ARMC9: variants seen among roughly 807,000 people sequenced by gnomAD.
ARMC9 encodes lisH domain-containing protein ARMC9.
In ARMC9, 94 loss-of-function variants were observed where a neutral mutation model predicts 107.0. The ratio of observed to expected loss-of-function variants is 0.88; its 90% CI spans 0.74 to 1.04. The LOEUF is 1.04. ARMC9 is among the 50% of genes least tolerant of loss of function. ARMC9 has a pLI of 0.00. For missense variants in ARMC9, 942 were observed against 1,030.1 expected (o/e 0.91, Z 1.17); for synonymous variants, 380 against 396.9 (o/e 0.96, Z 0.51).
intron 19 of ARMC9, among the ~76,000 whole-genome samples, chr2:231,330,471 C>T (rs2043654070): frequency 6.6e-6 from 1 of 152,158 alleles, no homozygotes; most frequent in African/African-American, 2.4e-5. Context: ...TCCAACACCA[C>T]CCCAGGAAGG....
chr2:231,363,768 C>T (rs545732178), intron 23 of ARMC9, among the ~76,000 whole-genome samples: 1 of 151,662 alleles, frequency 6.6e-6, no homozygotes, highest in Non-Finnish European at 1.5e-5. Flanking sequence ...GCTTGTAGTC[C>T]CAGCTACTTG....
chr2:231,345,039 A>G lies in ARMC9; in HGVS notation c.1943A>G (p.Glu648Gly). ...GLANVQWSGD[E>G]PLQRPVTPGG... ...GCTAATGTGCAGTGGAGCGGGGATG[A>G]GCCCCTGCAAAGGCCCGTCACCCCC... The change falls in exon 21 of 25, where the codon GAG becomes GGG. Residue 648 changes from glutamate to glycine, a missense_variant. Transcript: ENST00000611582. 6.2e-7 allele frequency: 1 copy of G among 1,614,032 alleles called. No homozygotes were observed. Among genetic ancestry groups the G allele is most frequent in the Non-Finnish European group, 8.5e-7 (1 of 1,179,996 alleles).
At chr2:231,309,713 T>C (rs2042231492) in intron 19 of ARMC9, among the ~76,000 whole-genome samples, 2 of 151,660 alleles carry the variant, frequency 1.3e-5, no homozygotes, top group African/African-American at 2.4e-5. Flanking sequence ...ATACCACTTT[T>C]TACAATTTTT....
intron 19 of ARMC9, among the ~76,000 whole-genome samples, chr2:231,300,013 A>G (rs17625564): frequency 0.054 from 8,154 of 152,288 alleles, 548 homozygotes; most frequent in South Asian, 0.25. Flanking sequence ...ATGTTACAAA[A>G]GGGCTGTTGG....
chr2:231,283,148 T>C (rs1221157584), intron 17 of ARMC9, among the ~76,000 whole-genome samples: 4 of 151,306 alleles, frequency 2.6e-5, no homozygotes, highest in African/African-American at 2.4e-5. Flanking sequence ...CCCTTAGAGA[T>C]CCCAGAGCAG....
intron 21 of ARMC9, among the ~76,000 whole-genome samples, chr2:231,347,489 G>A (rs2044862199): frequency 7.0e-6 from 1 of 143,038 alleles, no homozygotes; most frequent in East Asian, 1.9e-4. Context: ...CGATGCTGAT[G>A]TGCAAAATTT....
intron 24 of ARMC9, 107 bp from the exon 25 acceptor site, chr2:231,371,406 A>G (rs1046043377): frequency 7.9e-7 from 1 of 1,265,332 alleles, no homozygotes; most frequent in Non-Finnish European, 1.0e-6. Context: ...GGGAGAGGGA[A>G]GGTTCCCTCG....
intron 12 of ARMC9, among the ~76,000 whole-genome samples, chr2:231,270,349 G>A (rs1272440826): frequency 6.6e-6 from 1 of 152,228 alleles, no homozygotes; most frequent in Admixed American, 6.5e-5. Flanking sequence ...GCTGAGAGGT[G>A]TGCAGGAGTC....
At chr2:231,340,090 T>C (rs1432873557) in intron 20 of ARMC9, among the ~76,000 whole-genome samples, 1 of 152,236 alleles carries the variant, frequency 6.6e-6, no homozygotes, top group Non-Finnish European at 1.5e-5. Flanking sequence ...GGAGCTCTCC[T>C]GCAGAAACGA....
At chr2:231,327,306 A>T (rs1008410038) in intron 19 of ARMC9, among the ~76,000 whole-genome samples, 4 of 152,154 alleles carry the variant, frequency 2.6e-5, no homozygotes, top group African/African-American at 9.7e-5. Context: ...TCCATCACTC[A>T]AGGATCCCTC....
At chr2:231,310,027 A>G (rs2042247111) in intron 19 of ARMC9, among the ~76,000 whole-genome samples, 2 of 152,234 alleles carry the variant, frequency 1.3e-5, no homozygotes, top group Non-Finnish European at 2.9e-5. Context: ...TGAGCAAGTA[A>G]GCAATGCACC....
intron 19 of ARMC9, among the ~76,000 whole-genome samples, chr2:231,330,491 G>C (rs905063590): frequency 2.0e-5 from 3 of 152,162 alleles, no homozygotes; most frequent in Non-Finnish European, 4.4e-5. Context: ...GGTGTGAGGG[G>C]CATCTGGTCA....
At chr2:231,309,755 A>G (rs1159707164) in intron 19 of ARMC9, among the ~76,000 whole-genome samples, 5 of 151,924 alleles carry the variant, frequency 3.3e-5, no homozygotes, top group Non-Finnish European at 5.9e-5. Flanking sequence ...GTTTTTTCCA[A>G]TTGAAGTTAG....
intron 19 of ARMC9, among the ~76,000 whole-genome samples, chr2:231,315,670 A>T (rs1237762042): frequency 2.6e-5 from 4 of 152,142 alleles, no homozygotes; most frequent in African/African-American, 7.2e-5. Flanking sequence ...GCTTTATAGT[A>T]GGTTTCAAAA....
chr2:231,270,220 AC>A (rs370027224), intron 12 of ARMC9, among the ~76,000 whole-genome samples: 118 of 150,608 alleles, frequency 7.8e-4, no homozygotes, highest in African/African-American at 2.6e-3. Context: ...TTAGACACTA[AC>A]CCCCCTCTCC....
At chr2:231,261,645 A>G (rs1461966343) in intron 11 of ARMC9, among the ~76,000 whole-genome samples, 1 of 152,120 alleles carries the variant, frequency 6.6e-6, no homozygotes, top group Admixed American at 6.5e-5. Flanking sequence ...GCTGGTTAAT[A>G]GGCTGCCCAT....
intron 19 of ARMC9, among the ~76,000 whole-genome samples, chr2:231,327,914 A>G (rs1272332698): frequency 1.3e-5 from 2 of 152,016 alleles, no homozygotes; most frequent in African/African-American, 4.8e-5. Flanking sequence ...CCTCCAAAGT[A>G]GTTGGGATTA....
chr2:231,279,935 AT>A (rs1559396840), intron 16 of ARMC9, among the ~76,000 whole-genome samples: 1 of 152,080 alleles, frequency 6.6e-6, no homozygotes, highest in Non-Finnish European at 1.5e-5. Flanking sequence ...TGTGACATTC[AT>A]TTTATATTTT....
chr2:231,256,446 TAAAA>T (rs376282515), intron 9 of ARMC9, 136 bp from the exon 10 acceptor site: 11 of 955,452 alleles, frequency 1.2e-5, no homozygotes, highest in Non-Finnish European at 1.6e-5. Flanking sequence ...TGTTTCAAGT[TAAAA>T]AAAAAAACCA....
Sources: gnomAD v4.1 joint callset for allele counts (sites outside exome capture counted in the v4.1 genomes callset) on GRCh38, gnomAD v4.1.1 for gene constraint, MANE v1.5 for transcripts, NCBI Gene and HGNC (gene_info 2026-07-23, HGNC 2026-07-21) for gene names.